Variants in CTDSPL observed in about 807,000 individuals in gnomAD.
CTDSPL encodes CTD small phosphatase like, also known as CTD small phosphatase-like protein.
In CTDSPL, 8 loss-of-function variants were observed where a neutral mutation model predicts 30.5. That is an observed-to-expected ratio of 0.26 (90% confidence interval 0.15 to 0.47). The LOEUF (loss-of-function observed/expected upper bound fraction) is 0.47, where lower values mean the gene tolerates loss of function less well. Ranked by LOEUF, CTDSPL falls within the 20% of genes least tolerant of loss-of-function variation. CTDSPL has a pLI of 0.99. For synonymous variants in CTDSPL, 110 were observed against 137.9 expected (o/e 0.80, Z 1.42); for missense variants, 248 against 366.1 (o/e 0.68, Z 2.63).
chr3:37,940,206 G>A (rs75773395), intron 1 of CTDSPL, among the ~76,000 whole-genome samples: 1,767 of 150,594 alleles, frequency 0.012, 67 homozygotes, highest in African/African-American at 0.04. Flanking sequence ...AAGACTCATT[G>A]TATACCAGAA....
At chr3:37,961,730 G>A (rs1699247261) in intron 3 of CTDSPL, among the ~76,000 whole-genome samples, 1 of 152,124 alleles carries the variant, frequency 6.6e-6, no homozygotes, top group South Asian at 2.1e-4. Flanking sequence ...CATCCACCTG[G>A]AGCTCTGAGG....
rs1056632610 is a variant in CTDSPL at position 37,862,116 on chromosome 3, C to T, written c.-84C>T. On this transcript the variant is annotated 5_prime_UTR_variant, in exon 1 of 8. Coordinates refer to ENST00000273179, the MANE Select transcript of CTDSPL (RefSeq NM_001008392.2). This position sits in a 1 kb window ranked among gnomAD's most constrained non-coding sequence, Gnocchi z 4.3. ...CGGCTGCGAGCGCCCCCCCGCGCCG[C>T]GCCCCCGCGCCCCCCGCGCCGCGCC... 1.0e-5 allele frequency: 5 copies of T among 501,392 alleles called. No homozygotes were observed. The highest frequency in any genetic ancestry group is 3.2e-4 in the East Asian group (2 of 6,170). 31.1% of individuals were successfully genotyped at this position (501,392 alleles called of 1,614,324 possible).
intron 1 of CTDSPL, among the ~76,000 whole-genome samples, chr3:37,867,638 T>A (rs1698025688): frequency 6.6e-6 from 1 of 152,226 alleles, no homozygotes; most frequent in African/African-American, 2.4e-5. Flanking sequence ...TCACTGTTTT[T>A]AAAAATTTTT....
intron 3 of CTDSPL, among the ~76,000 whole-genome samples, chr3:37,957,789 C>T (rs1207122010): frequency 6.6e-6 from 1 of 152,218 alleles, no homozygotes; most frequent in East Asian, 1.9e-4. Flanking sequence ...GCACCAGCCA[C>T]CCCTCAGCCA....
chr3:37,908,122 C>T (rs1344298446), intron 1 of CTDSPL, among the ~76,000 whole-genome samples: 1 of 152,226 alleles, frequency 6.6e-6, no homozygotes, highest in Non-Finnish European at 1.5e-5. Context: ...AGGGTCAGAA[C>T]AGAAACACAG....
At chr3:37,935,055 C>T (rs1177280872) in intron 1 of CTDSPL, among the ~76,000 whole-genome samples, 2 of 152,212 alleles carry the variant, frequency 1.3e-5, no homozygotes, top group African/African-American at 2.4e-5. Context: ...GACACTTCCC[C>T]GCATGTCTTC....
At chr3:37,958,079 A>G (rs570529571) in intron 3 of CTDSPL, among the ~76,000 whole-genome samples, 2 of 152,318 alleles carry the variant, frequency 1.3e-5, no homozygotes, top group South Asian at 4.1e-4. Flanking sequence ...AGTTTTTCAC[A>G]TGTTTTCTGG....
intron 1 of CTDSPL, among the ~76,000 whole-genome samples, chr3:37,877,837 G>A (rs548465618): frequency 8.5e-5 from 13 of 152,206 alleles, no homozygotes; most frequent in African/African-American, 3.1e-4. Context: ...AGAGCGAGGA[G>A]GTCTCAGACT....
At chr3:37,944,995 T>C (rs1699019073) in intron 1 of CTDSPL, among the ~76,000 whole-genome samples, 1 of 150,340 alleles carries the variant, frequency 6.7e-6, no homozygotes, top group Admixed American at 6.7e-5. Context: ...AGTTAGTTAG[T>C]TAGTTATGGG....
chr3:37,954,908 A>G (rs996654739), intron 2 of CTDSPL: 4 of 152,224 alleles, frequency 2.6e-5, no homozygotes, highest in Non-Finnish European at 5.9e-5. Context: ...ACATACATAC[A>G]TGTAAGCTTC....
chr3:37,957,724 GCCACC>G (rs1699189817), intron 3 of CTDSPL, among the ~76,000 whole-genome samples: 1 of 152,128 alleles, frequency 6.6e-6, no homozygotes, highest in Non-Finnish European at 1.5e-5. Flanking sequence ...GCTCCCTGAG[GCCACC>G]CCCACTTCTG....
intron 1 of CTDSPL, among the ~76,000 whole-genome samples, chr3:37,910,826 A>T (rs1212226704): frequency 6.6e-6 from 1 of 152,158 alleles, no homozygotes; most frequent in Non-Finnish European, 1.5e-5. Context: ...GGTGGGTGCC[A>T]TGGGGTGATG....
chr3:37,966,743 A>G lies in CTDSPL; in HGVS notation c.370-1083A>G, dbSNP rs978640799. ...TTTTTTGTTTTTTGTTTTTTAGTTT[A>G]TATATCAACAAAGAGGGTTTGTGTG... On this transcript the variant is annotated intron_variant, in intron 4 of 7. Transcript: ENST00000273179. Among the ~76,000 whole-genome samples, 6 of 152,070 alleles carry G rather than the reference A, an allele frequency of 3.9e-5. No individual in the cohort carries two copies. The East Asian group carries it at 9.7e-4, about 25-fold the overall frequency.
chr3:37,958,078 CAT>C (rs1699195037), intron 3 of CTDSPL, among the ~76,000 whole-genome samples: 1 of 152,192 alleles, frequency 6.6e-6, no homozygotes, highest in African/African-American at 2.4e-5. Context: ...GAGTTTTTCA[CAT>C]GTTTTCTGGG....
At chr3:37,922,194 C>T (rs1414411143) in intron 1 of CTDSPL, among the ~76,000 whole-genome samples, 1 of 151,904 alleles carries the variant, frequency 6.6e-6, no homozygotes, top group African/African-American at 2.4e-5. Flanking sequence ...GAGATCACAC[C>T]ATTGCACTCC....
At position 37,862,287 on chromosome 3, in the gene CTDSPL, G is replaced by T; in HGVS notation, c.79+9G>T. 1 of 1,487,586 alleles carries T rather than the reference G, an allele frequency of 6.7e-7. No individual in the cohort carries two copies. 92.1% of individuals were successfully genotyped at this position (1,487,586 alleles called of 1,614,324 possible). On this transcript the variant is annotated intron_variant, in intron 1 of 7. Coordinates refer to ENST00000273179, the MANE Select transcript of CTDSPL (RefSeq NM_001008392.2). This position sits in a 1 kb window ranked among gnomAD's most constrained non-coding sequence, Gnocchi z 4.3. Reference sequence around the variant, plus strand: ...GGGCGCGGGCGAGAAAGGTGAGGAGGGGCGCAGGCGGCCGCGGGCTGGGGG... The same window carrying T: ...GGGCGCGGGCGAGAAAGGTGAGGAGTGGCGCAGGCGGCCGCGGGCTGGGGG...
rs528293290 is a variant in CTDSPL, at chr3:37,956,469, G to A, written c.235-642G>A. On this transcript the variant is annotated intron_variant, in intron 2 of 7. Transcript: ENST00000273179. ...GAAGTGTTTCCATCAATTAGGTTTG[G>A]AATGGCTGGCATTTGGGGCTGAGGA... 2.0e-5 allele frequency among the ~76,000 whole-genome samples: 3 copies of A among 152,330 alleles called. No individual in the cohort carries two copies. In the South Asian group the frequency reaches 6.2e-4, roughly 32 times the overall value.
chr3:37,936,232 A>G (rs1182587932), intron 1 of CTDSPL, among the ~76,000 whole-genome samples: 5 of 152,192 alleles, frequency 3.3e-5, no homozygotes, highest in Non-Finnish European at 5.9e-5. Context: ...CGTTTCTTTT[A>G]TAGAGTGTCC....
chr3:37,939,983 T>C (rs1481997423), intron 1 of CTDSPL, among the ~76,000 whole-genome samples: 1 of 149,944 alleles, frequency 6.7e-6, no homozygotes, highest in Non-Finnish European at 1.5e-5. Flanking sequence ...TCCCAGCTAC[T>C]CAGGAGGGTG....
Sources: allele counts gnomAD v4.1 joint callset (sites outside exome capture counted in the v4.1 genomes callset), GRCh38; gene constraint gnomAD v4.1.1; non-coding constraint Gnocchi (gnomAD v3.1); transcripts MANE v1.5; gene names NCBI Gene and HGNC (gene_info 2026-07-23, HGNC 2026-07-21).